The following ECPAS variants were observed in gnomAD, a reference collection of about 807,000 sequenced individuals.
ECPAS encodes the protein proteasome adapter and scaffold protein ECM29.
Under a neutral mutation model 255.1 loss-of-function variants are expected in ECPAS, and 70 were observed. The observed-to-expected ratio is 0.27, with a 90% CI of 0.23 to 0.33. The LOEUF (loss-of-function observed/expected upper bound fraction) is 0.33. Among genes scored for constraint, ECPAS ranks in the 10% least tolerant of loss-of-function variants. The pLI, the probability that ECPAS is intolerant of heterozygous loss-of-function variation, is 1.00. For missense variants in ECPAS, 1,817 were observed against 2,206.4 expected, an observed-to-expected ratio of 0.82 and a Z score of 3.54; for synonymous variants, 784 against 775.0, an observed-to-expected ratio of 1.01 and a Z score of -0.19.
Position 111,422,010 on chromosome 9 carries a change from C to A in ECPAS, c.1366G>T (p.Ala456Ser), listed in dbSNP as rs1459097787. 6.2e-7 allele frequency: 1 copy of A among 1,613,636 alleles called. No individual in the cohort carries two copies. The change falls in exon 15 of 50, where the codon GCT (alanine) becomes TCT (serine). Residue 456 changes from alanine (A) to serine (S), a missense_variant. Ala to Ser is a moderately conservative substitution (Grantham distance 99). This residue lies in a region of ECPAS where 573 missense variants were observed against 716.2 expected (regional missense o/e 0.80). Coordinates refer to ENST00000684092, the MANE Select transcript of ECPAS (RefSeq NM_001364929.1). The part of the protein sequence containing the change: ...EPETRLAIQE[A>S]LSMMVGAYST... ...TACGCTCCAACCATCATAGATAAAG[C>A]TTCTTGAATAGCAAGTCGAGTCTCA...
intron 12 of ECPAS, among the ~76,000 whole-genome samples, 175 bp from the exon 13 acceptor site, chr9:111,423,423 A>G (rs1265784558): frequency 6.6e-6 from 1 of 152,202 alleles, no homozygotes; most frequent in Non-Finnish European, 1.5e-5. Flanking sequence ...AACAACAAAA[A>G]TGTCCAAACC....
chr9:111,452,952 T>C (rs1301832857), intron 2 of ECPAS, among the ~76,000 whole-genome samples: 1 of 151,978 alleles, frequency 6.6e-6, no homozygotes, highest in Non-Finnish European at 1.5e-5. Flanking sequence ...TAAAAGGAAA[T>C]GGAACATGGG....
intron 16 of ECPAS, among the ~76,000 whole-genome samples, chr9:111,419,480 A>G (rs1024483986): frequency 1.3e-5 from 2 of 152,152 alleles, no homozygotes; most frequent in Non-Finnish European, 2.9e-5. Context: ...GCATGTCCCA[A>G]TTTCAAAACC....
chr9:111,437,076 T>G lies in ECPAS; in HGVS notation c.572A>C (p.Asn191Thr). Residue 191 changes from asparagine (N) to threonine (T), a missense_variant, in exon 7 of 50, where the codon AAT (asparagine) becomes ACT (threonine). Physicochemically the swap from Asn to Thr is moderately conservative, Grantham distance 65 (BLOSUM62 0). Transcript: ENST00000684092. Reference sequence around the variant, plus strand: ...AGAAGAACCCTGTGCTGAAGATGAATTTTGGCGACTCTGGGATTCATTTAA... The same window carrying G: ...AGAAGAACCCTGTGCTGAAGATGAAGTTTGGCGACTCTGGGATTCATTTAA... ...YVLNESQSRQ[N>T]SSSAQGSSSN... The G allele has an allele frequency of 6.2e-7, 1 of 1,609,228 alleles. No homozygotes were observed. The highest frequency in any genetic ancestry group is 1.1e-5 in the South Asian group (1 of 89,916).
chr9:111,384,317 G>A (rs2098144436), intron 34 of ECPAS, among the ~76,000 whole-genome samples: 1 of 152,178 alleles, frequency 6.6e-6, no homozygotes, highest in Admixed American at 6.5e-5. Context: ...ACCATTTAAA[G>A]AGACCACAGT....
Position 111,420,114 on chromosome 9 carries a change from C to T in ECPAS, c.1462G>A (p.Val488Ile), listed in dbSNP as rs2098211049. ...TTCACAGCCACTTGTCGAACTTGAA[C>T]TTCAGGCTATTTCATGTGTAAACAT... ...LVASYLIKPE[V>I]QVRQVAVKFA... Residue 488 changes from valine (V) to isoleucine (I), a missense_variant, in exon 16 of 50, where the codon GTT (valine) becomes ATT (isoleucine). By Grantham distance (29) the Val-to-Ile change is conservative. This residue lies in a region of ECPAS where 573 missense variants were observed against 716.2 expected (regional missense o/e 0.80). Coordinates refer to ENST00000684092, the MANE Select transcript of ECPAS (RefSeq NM_001364929.1). 6.2e-7 allele frequency: 1 copy of T among 1,611,404 alleles called. No homozygotes were observed. Among genetic ancestry groups the T allele is most frequent in the Non-Finnish European group, 8.5e-7 (1 of 1,178,250 alleles).
Position 111,374,094 on chromosome 9 carries a change from C to CA in ECPAS, c.4111-57dup, listed in dbSNP as rs1290701105. The CA allele has an allele frequency of 2.5e-5, 35 of 1,400,958 alleles. No individual in the cohort carries two copies. The Middle Eastern group carries it at 5.3e-4, about 21-fold the overall frequency. The allele number at this position is 1,400,958 out of a possible 1,614,324, so 86.8% of individuals were successfully genotyped here. ...CTGATGGTCACAATGTTCTACCTACCAAACCATTGGCTTAGGTGCCAAAAA... is the reference window on the plus strand; with the variant it reads ...CTGATGGTCACAATGTTCTACCTACCAAAACCATTGGCTTAGGTGCCAAAAA... On this transcript the variant is annotated intron_variant, in intron 38 of 49. Transcript: ENST00000684092.
At chr9:111,481,324 G>A (rs1269978709) in intron 1 of ECPAS, among the ~76,000 whole-genome samples, 2 of 152,112 alleles carry the variant, frequency 1.3e-5, no homozygotes, top group South Asian at 4.2e-4. Flanking sequence ...GGCTAACACA[G>A]TGAAACCCCG....
intron 24 of ECPAS, among the ~76,000 whole-genome samples, chr9:111,405,373 G>A (rs1172899967): frequency 6.7e-6 from 1 of 149,656 alleles, no homozygotes; most frequent in African/African-American, 2.5e-5. Flanking sequence ...GTAGAATAAT[G>A]AAACTGGGCC....
At chr9:111,432,776 T>C (rs1290979362) in intron 8 of ECPAS, among the ~76,000 whole-genome samples, 1 of 152,276 alleles carries the variant, frequency 6.6e-6, no homozygotes, top group African/African-American at 2.4e-5. Flanking sequence ...TATAAGTCTA[T>C]TTCCTATCTG....
At chr9:111,464,009 C>G (rs1391431259) in intron 2 of ECPAS, among the ~76,000 whole-genome samples, 1 of 152,134 alleles carries the variant, frequency 6.6e-6, no homozygotes, top group East Asian at 1.9e-4. Context: ...TGAAAAAGTG[C>G]TTCTAGAATA....
rs1336073302 is a variant in ECPAS, at chr9:111,413,915, C to T, written c.2059G>A (p.Asp687Asn). ...YPEKLATKFV[D>N]KTEWIKSLMN... ...CATACCTTTATCCATTCTGTTTTGT[C>T]TACAAATTTGGTAGCCAGCTTTTCT... Residue 687 changes from aspartate (D) to asparagine (N), a missense_variant, in exon 20 of 50, where the codon GAC (aspartate) becomes AAC (asparagine). This residue lies in a region of ECPAS where 573 missense variants were observed against 716.2 expected (regional missense o/e 0.80). Coordinates refer to ENST00000684092, the MANE Select transcript of ECPAS (RefSeq NM_001364929.1). 1 of 1,580,496 alleles carries T rather than the reference C, an allele frequency of 6.3e-7. No homozygotes were observed. Among genetic ancestry groups the T allele is most frequent in the Admixed American group, 1.8e-5 (1 of 55,524 alleles).
chr9:111,387,308 T>A (rs1167971465), intron 31 of ECPAS, among the ~76,000 whole-genome samples: 2 of 151,526 alleles, frequency 1.3e-5, no homozygotes, highest in African/African-American at 4.9e-5. Context: ...AGGGACAGAG[T>A]CTCACTCATC....
intron 2 of ECPAS, among the ~76,000 whole-genome samples, chr9:111,463,766 T>C (rs550804162): frequency 1.3e-5 from 2 of 152,086 alleles, no homozygotes; most frequent in East Asian, 3.9e-4. Context: ...AAAAAAAAGA[T>C]TCAAATCTAA....
At chr9:111,448,763 G>A (rs1316821328) in intron 3 of ECPAS, among the ~76,000 whole-genome samples, 1 of 152,144 alleles carries the variant, frequency 6.6e-6, no homozygotes, top group African/African-American at 2.4e-5. Context: ...TGACCAGAAT[G>A]CAATAAAACC....
intron 2 of ECPAS, among the ~76,000 whole-genome samples, chr9:111,468,627 G>A (rs2098282339): frequency 6.7e-6 from 1 of 149,046 alleles, no homozygotes; most frequent in South Asian, 2.1e-4. Flanking sequence ...AAGAGAGTGA[G>A]TGAGAGAGAG....
chr9:111,374,071 G>T lies in ECPAS; in HGVS notation c.4111-33C>A, dbSNP rs369776031. On this transcript the variant is annotated intron_variant, in intron 38 of 49. Transcript: ENST00000684092. The stretch of plus-strand genomic sequence containing the variant: ...GTTACAAAAGCAAAGGTCTAAATCT[G>T]ATGGTCACAATGTTCTACCTACCAA... The T allele has an allele frequency of 2.0e-4, 306 of 1,537,004 alleles. No homozygotes were observed. In the African/African-American group the frequency reaches 3.8e-3, roughly 19 times the overall value.
At chr9:111,434,065 A>C (rs2131859216) in intron 7 of ECPAS, among the ~76,000 whole-genome samples, 1 of 152,350 alleles carries the variant, frequency 6.6e-6, no homozygotes, top group Non-Finnish European at 1.5e-5. Flanking sequence ...CACCTGAAAA[A>C]ATAAAGTTTC....
chr9:111,415,277 G>C (rs2131747700), intron 18 of ECPAS, among the ~76,000 whole-genome samples: 1 of 152,032 alleles, frequency 6.6e-6, no homozygotes, highest in East Asian at 1.9e-4. Context: ...GACAGAGAGA[G>C]AGGAAAGAAA....
Sources: allele counts gnomAD v4.1 joint callset (sites outside exome capture counted in the v4.1 genomes callset), GRCh38; gene constraint gnomAD v4.1.1; regional missense constraint gnomAD v4.1.1; transcripts MANE v1.5; gene names NCBI Gene and HGNC (gene_info 2026-07-23, HGNC 2026-07-21).